SHISAL1: variants seen among roughly 807,000 people sequenced by gnomAD.
The protein encoded by SHISAL1 is protein shisa-like-1.
SHISAL1 carries 9 observed loss-of-function variants against 22.6 expected under a neutral mutation model. That is an observed-to-expected ratio of 0.40 (90% CI 0.24 to 0.70). The LOEUF (loss-of-function observed/expected upper bound fraction) is 0.70, where lower values mean the gene tolerates loss of function less well. Among genes scored for constraint, SHISAL1 ranks in the 30% least tolerant of loss-of-function variants. The pLI is 0.39. For missense variants in SHISAL1, 246 were observed against 270.6 expected (o/e 0.91, Z 0.64); for synonymous variants, 119 against 115.4 (o/e 1.03, Z -0.20).
At position 44,311,917 on chromosome 22, in the gene SHISAL1, C is replaced by T. The variant is rs1418461685; in HGVS notation, c.-33+834G>A. ...GGAGATAAAACAACCCCTGGAAATC[C>T]CAGAGGCATTTTTTTCCCACTGGAG... is the stretch of plus-strand genomic sequence containing the variant. On this transcript the variant is annotated intron_variant, in intron 1 of 4. Transcript: ENST00000381176. Among the ~76,000 whole-genome samples, 3 of 152,206 alleles carry T rather than the reference C, an allele frequency of 2.0e-5. No homozygotes were observed. In the East Asian group the frequency reaches 5.8e-4, roughly 29 times the overall value.
At chr22:44,272,036 G>T (rs1204301577) in intron 4 of SHISAL1, among the ~76,000 whole-genome samples, 2 of 152,170 alleles carry the variant, frequency 1.3e-5, no homozygotes, top group South Asian at 2.1e-4. Context: ...AACTGGCTGG[G>T]TGAAGCCGTG....
At chr22:44,265,737 G>A (rs1007407419) in intron 4 of SHISAL1, among the ~76,000 whole-genome samples, 2 of 152,212 alleles carry the variant, frequency 1.3e-5, no homozygotes, top group African/African-American at 4.8e-5. Context: ...TTGTGCATCT[G>A]GACATCCCTC....
intron 3 of SHISAL1, among the ~76,000 whole-genome samples, chr22:44,288,878 C>G (rs73888974): frequency 0.014 from 2,133 of 152,308 alleles, 44 homozygotes; most frequent in African/African-American, 0.049. Flanking sequence ...ACACTGTTGT[C>G]TTTGTTGTTT....
upstream of SHISAL1, among the ~76,000 whole-genome samples, chr22:44,317,247 A>G (rs888712121): frequency 6.6e-6 from 1 of 152,180 alleles, no homozygotes; most frequent in African/African-American, 2.4e-5. Flanking sequence ...CCAGGATGGA[A>G]GGACGTGCCT....
At chr22:44,275,632 G>A (rs74990365) in intron 4 of SHISAL1, among the ~76,000 whole-genome samples, 4,192 of 152,296 alleles carry the variant, frequency 0.028, 199 homozygotes, top group African/African-American at 0.097. Context: ...AGGCGGAGAC[G>A]TTGCTCTTCC....
the SHISAL1 span, among the ~76,000 whole-genome samples, chr22:44,323,472 CCATT>C: frequency 8.9e-6 from 1 of 112,130 alleles, no homozygotes; most frequent in African/African-American, 3.4e-5. Flanking sequence ...ATCCATCCAT[CCATT>C]CATTCATCCA....
intron 4 of SHISAL1, among the ~76,000 whole-genome samples, chr22:44,260,778 G>GA (rs2055116783): frequency 6.6e-6 from 1 of 152,280 alleles, no homozygotes; most frequent in South Asian, 2.1e-4. Context: ...GGCTGACATG[G>GA]AAAAGAGGTT....
At chr22:44,327,031 T>C in the SHISAL1 span, among the ~76,000 whole-genome samples, 1 of 152,152 alleles carries the variant, frequency 6.6e-6, no homozygotes, top group Non-Finnish European at 1.5e-5. Context: ...CAGTTCACTG[T>C]GTGACCTTGA....
chr22:44,261,380 G>A (rs930045406), intron 4 of SHISAL1, among the ~76,000 whole-genome samples: 1 of 151,860 alleles, frequency 6.6e-6, no homozygotes, highest in African/African-American at 2.4e-5. Flanking sequence ...CTCACTGGGC[G>A]CCCCTTCTGT....
chr22:44,325,597 T>C, the SHISAL1 span, among the ~76,000 whole-genome samples: 3 of 152,140 alleles, frequency 2.0e-5, no homozygotes, highest in Non-Finnish European at 4.4e-5. Flanking sequence ...GCCCATGAGA[T>C]CCAGGGCCTT....
chr22:44,265,522 C>G (rs527915817), intron 4 of SHISAL1, among the ~76,000 whole-genome samples: 4 of 152,152 alleles, frequency 2.6e-5, no homozygotes, highest in Non-Finnish European at 5.9e-5. Flanking sequence ...ATTGCAGCCT[C>G]CTGAGAGACC....
At chr22:44,277,558 C>G (rs944167893) in intron 4 of SHISAL1, among the ~76,000 whole-genome samples, 1 of 152,188 alleles carries the variant, frequency 6.6e-6, no homozygotes, top group Non-Finnish European at 1.5e-5. Flanking sequence ...ATCGCTGGGC[C>G]GCACCTCCTA....
At chr22:44,267,189 C>G (rs1278245560) in intron 4 of SHISAL1, among the ~76,000 whole-genome samples, 1 of 152,248 alleles carries the variant, frequency 6.6e-6, no homozygotes, top group East Asian at 1.9e-4. Flanking sequence ...CTGATCCTCT[C>G]GCGGCTTCCA....
chr22:44,287,600 G>A (rs1447410306), intron 3 of SHISAL1, among the ~76,000 whole-genome samples: 7 of 151,988 alleles, frequency 4.6e-5, no homozygotes, highest in Admixed American at 6.6e-5. Context: ...TGATGGGCTC[G>A]CTCATGCTAA....
chr22:44,302,094 A>C (rs980989835), intron 1 of SHISAL1, among the ~76,000 whole-genome samples: 3 of 152,134 alleles, frequency 2.0e-5, no homozygotes, highest in Non-Finnish European at 4.4e-5. Flanking sequence ...TAATCCCAGC[A>C]CTTTGGGAGG....
intron 2 of SHISAL1, among the ~76,000 whole-genome samples, chr22:44,299,446 G>A (rs2055410622): frequency 6.6e-6 from 1 of 152,230 alleles, no homozygotes; most frequent in African/African-American, 2.4e-5. Context: ...GAGTGGGTCC[G>A]TCCTCCAGGG....
At chr22:44,261,608 G>A (rs5764153) in intron 4 of SHISAL1, among the ~76,000 whole-genome samples, 81,149 of 152,064 alleles carry the variant, frequency 0.53, 21,636 homozygotes, top group East Asian at 0.65. Context: ...TGGGGCTATC[G>A]CTCCTGTGGA....
At chr22:44,331,366 C>G in the SHISAL1 span, among the ~76,000 whole-genome samples, 1 of 151,542 alleles carries the variant, frequency 6.6e-6, no homozygotes, top group East Asian at 2.0e-4. The surrounding 1 kb of genome is among the most constrained non-coding windows in gnomAD (Gnocchi z 5.2). Context: ...ACCCCGCCCC[C>G]CACTCGCCCA....
chr22:44,269,795 C>T (rs974308020), intron 4 of SHISAL1, among the ~76,000 whole-genome samples: 1 of 152,172 alleles, frequency 6.6e-6, no homozygotes, highest in African/African-American at 2.4e-5. Context: ...TGTCCTAGCC[C>T]CTCAGGACCC....
Sources: gnomAD v4.1 joint callset for allele counts (sites outside exome capture counted in the v4.1 genomes callset) on GRCh38, gnomAD v4.1.1 for gene constraint, Gnocchi (gnomAD v3.1) non-coding constraint, MANE v1.5 for transcripts, NCBI Gene and HGNC (gene_info 2026-07-23, HGNC 2026-07-21) for gene names.